Variants in FHIT observed in about 807,000 individuals in gnomAD.
FHIT encodes the protein fragile histidine triad diadenosine triphosphatase.
In FHIT, 19 loss-of-function variants were observed where a neutral mutation model predicts 17.9. The observed-to-expected ratio is 1.06, with a 90% confidence interval of 0.74 to 1.56. FHIT has a LOEUF of 1.56. Ranked by LOEUF, FHIT falls within the 40% of genes most tolerant of loss-of-function variation. FHIT has a pLI of 0.00. For missense variants in FHIT, 248 were observed against 189.2 expected, an observed-to-expected ratio of 1.31 and a Z score of -1.82; for synonymous variants, 81 against 69.7, an observed-to-expected ratio of 1.16 and a Z score of -0.81.
intron 3 of FHIT, among the ~76,000 whole-genome samples, chr3:61,000,409 G>A (rs556424415): frequency 6.6e-6 from 1 of 152,130 alleles, no homozygotes; most frequent in South Asian, 2.1e-4. Flanking sequence ...GAGACACAAT[G>A]GTAAGACATT....
At chr3:61,185,109 G>A (rs1207565760) in intron 2 of FHIT, among the ~76,000 whole-genome samples, 2 of 152,154 alleles carry the variant, frequency 1.3e-5, no homozygotes, top group African/African-American at 2.4e-5. Context: ...TAAGTAGGCA[G>A]GACATTTTCT....
chr3:60,515,356 C>T (rs1427193497), intron 5 of FHIT, among the ~76,000 whole-genome samples: 1 of 152,098 alleles, frequency 6.6e-6, no homozygotes, highest in Admixed American at 6.6e-5. Flanking sequence ...AAAATCTATA[C>T]ATTTACGGGA....
intron 5 of FHIT, among the ~76,000 whole-genome samples, chr3:60,383,615 C>A (rs1700894350): frequency 6.6e-6 from 1 of 151,480 alleles, no homozygotes; most frequent in Admixed American, 6.6e-5. Context: ...TGATCACTAT[C>A]ATTTAAATGA....
chr3:60,171,328 A>G (rs1019450784), intron 5 of FHIT, among the ~76,000 whole-genome samples: 1 of 152,156 alleles, frequency 6.6e-6, no homozygotes, highest in African/African-American at 2.4e-5. Flanking sequence ...CATTCAGACA[A>G]CTACATATTG....
At chr3:60,547,937 G>T (rs1162644149) in intron 4 of FHIT, among the ~76,000 whole-genome samples, 1 of 152,082 alleles carries the variant, frequency 6.6e-6, no homozygotes, top group African/African-American at 2.4e-5. Flanking sequence ...TCAGGGTAGG[G>T]CAGATTCTTT....
At chr3:60,349,600 A>C (rs903097863) in intron 5 of FHIT, among the ~76,000 whole-genome samples, 4 of 152,148 alleles carry the variant, frequency 2.6e-5, no homozygotes, top group African/African-American at 9.7e-5. Context: ...AGAAGGTACT[A>C]AACTCCAAAA....
Position 60,708,886 on chromosome 3 carries a change from G to A in FHIT, c.-18+113033C>T, listed in dbSNP as rs574841010. The stretch of plus-strand genomic sequence containing the variant: ...ATTACCAACTGTGAATCTCCATGGG[G>A]GGCTGTAGCTAGTAACATTTGTAAA... On this transcript the variant is annotated intron_variant, in intron 4 of 9. Transcript: ENST00000492590. Among the ~76,000 whole-genome samples, 35 of 152,282 alleles carry A rather than the reference G, an allele frequency of 2.3e-4. No homozygotes were observed. In the South Asian group the frequency reaches 6.0e-3, roughly 26 times the overall value.
intron 5 of FHIT, among the ~76,000 whole-genome samples, chr3:60,193,427 T>C (rs943248270): frequency 2.6e-5 from 4 of 152,182 alleles, no homozygotes; most frequent in Non-Finnish European, 5.9e-5. Context: ...CAGTATATTC[T>C]GCAAAGTGAT....
chr3:60,444,526 T>A (rs1190167897), intron 5 of FHIT, among the ~76,000 whole-genome samples: 2 of 152,192 alleles, frequency 1.3e-5, no homozygotes, highest in African/African-American at 4.8e-5. Flanking sequence ...AAAAAAATGA[T>A]GAGTTCATGT....
intron 5 of FHIT, among the ~76,000 whole-genome samples, chr3:60,145,646 G>T (rs1196475379): frequency 6.6e-6 from 1 of 152,076 alleles, no homozygotes; most frequent in African/African-American, 2.4e-5. Context: ...CAAAATAGAT[G>T]GTCCTAGCTG....
intron 5 of FHIT, among the ~76,000 whole-genome samples, chr3:60,242,832 CAT>C: frequency 6.6e-6 from 1 of 151,672 alleles, no homozygotes; most frequent in Non-Finnish European, 1.5e-5. Flanking sequence ...CACATATGTT[CAT>C]ATATATATAT....
intron 4 of FHIT, among the ~76,000 whole-genome samples, chr3:60,767,389 T>G (rs932556359): frequency 6.6e-6 from 1 of 152,282 alleles, no homozygotes; most frequent in Non-Finnish European, 1.5e-5. Context: ...TATTTAATTC[T>G]TACATCCCTT....
rs191439690 is a variant in FHIT, at chr3:61,203,415, T to C, written c.-212-2750A>G. ...AACATTCAAGAATGATAGAGAACAA[T>C]AGATAAATCAGAACATTTTTCAAAA... is the stretch of plus-strand genomic sequence containing the variant. On this transcript the variant is annotated intron_variant, in intron 1 of 9. Transcript: ENST00000492590. Among the ~76,000 whole-genome samples, 4 of 150,656 alleles carry C rather than the reference T, an allele frequency of 2.7e-5. No homozygotes were observed. The East Asian group carries it at 7.8e-4, about 29-fold the overall frequency.
chr3:59,763,118 G>C (rs1701611156), intron 8 of FHIT, among the ~76,000 whole-genome samples: 1 of 152,152 alleles, frequency 6.6e-6, no homozygotes, highest in Admixed American at 6.5e-5. Flanking sequence ...TCAACCCACA[G>C]TACTCAGAAC....
At chr3:60,187,786 A>C (rs1402719020) in intron 5 of FHIT, among the ~76,000 whole-genome samples, 2 of 152,174 alleles carry the variant, frequency 1.3e-5, no homozygotes, top group Non-Finnish European at 2.9e-5. Flanking sequence ...CTCCTAATTT[A>C]ATTCATTCAT....
chr3:59,756,397 A>G (rs994928), intron 8 of FHIT, among the ~76,000 whole-genome samples: 37,892 of 152,006 alleles, frequency 0.25, 5,528 homozygotes, highest in African/African-American at 0.39. Flanking sequence ...GAGGCTTCTC[A>G]TGGTAAAAGC....
intron 4 of FHIT, among the ~76,000 whole-genome samples, chr3:60,710,950 G>T (rs1577099413): frequency 6.6e-6 from 1 of 152,218 alleles, no homozygotes. Flanking sequence ...CTGGAGATCT[G>T]AGAATGGGCA....
chr3:61,124,372 C>T lies in FHIT; in HGVS notation c.-164+76245G>A, dbSNP rs943008768. Among the ~76,000 whole-genome samples the T allele has an allele frequency of 3.3e-5, 5 of 152,242 alleles. No individual in the cohort carries two copies. In the East Asian group the frequency reaches 9.7e-4, roughly 29 times the overall value. On this transcript the variant is annotated intron_variant, in intron 2 of 9. Transcript: ENST00000492590. ...CTCATTCTCCATCATCCTCCATTAA[C>T]GGAGGGCAGTTAATGCACATATCTG...
intron 4 of FHIT, among the ~76,000 whole-genome samples, chr3:60,807,166 G>C (rs2106696329): frequency 6.6e-6 from 1 of 152,282 alleles, no homozygotes; most frequent in South Asian, 2.1e-4. Flanking sequence ...TATTCATCTA[G>C]AAGTTGTAGA....
Sources: allele counts gnomAD v4.1 joint callset (sites outside exome capture counted in the v4.1 genomes callset), GRCh38; gene constraint gnomAD v4.1.1; transcripts MANE v1.5; gene names NCBI Gene and HGNC (gene_info 2026-07-23, HGNC 2026-07-21).